Variants in HIBADH observed in about 807,000 individuals in gnomAD.
The protein encoded by HIBADH is 3-hydroxyisobutyrate dehydrogenase, mitochondrial.
Under a neutral mutation model 36.1 loss-of-function variants are expected in HIBADH, and 25 were observed. The ratio of observed to expected loss-of-function variants is 0.69; its 90% confidence interval spans 0.50 to 0.97. The LOEUF (loss-of-function observed/expected upper bound fraction) is 0.97, where lower values mean the gene tolerates loss of function less well. HIBADH is among the 50% of genes least tolerant of loss of function. The pLI is 0.00. For synonymous variants in HIBADH, 160 were observed against 149.5 expected, an observed-to-expected ratio of 1.07 and a Z score of -0.51; for missense variants, 421 against 418.0, an observed-to-expected ratio of 1.01 and a Z score of -0.06.
At chr7:27,631,559 T>C (rs1022162370) in intron 3 of HIBADH, among the ~76,000 whole-genome samples, 10 of 152,166 alleles carry the variant, frequency 6.6e-5, no homozygotes, top group Non-Finnish European at 1.5e-4. Flanking sequence ...ATGACAAAAC[T>C]AAGCTGGGAA....
rs1786145464 is a variant in HIBADH at position 27,649,772 on chromosome 7, C to A, written c.92-139G>T. 6.0e-6 allele frequency: 4 copies of A among 662,072 alleles called. No homozygotes were observed. In the African/African-American group the frequency reaches 7.4e-5, roughly 12 times the overall value. 41.0% of individuals were successfully genotyped at this position (662,072 alleles called of 1,614,324 possible). A position where few individuals can be genotyped will look rare whatever the true frequency, so the allele number is the denominator to read the frequency against. On this transcript the variant is annotated intron_variant, in intron 1 of 7. Coordinates refer to ENST00000265395, the MANE Select transcript of HIBADH (RefSeq NM_152740.4). ...CAGGAACCAGGTGCAGTGGTGCACA[C>A]CTATAATCCCAGCTACTTGGGAGGC...
intron 6 of HIBADH, among the ~76,000 whole-genome samples, chr7:27,532,610 GA>G (rs1562611893): frequency 6.6e-6 from 1 of 152,202 alleles, no homozygotes; most frequent in East Asian, 1.9e-4. Context: ...GTGGTTCCCA[GA>G]CTGCTATGTG....
intron 1 of HIBADH, among the ~76,000 whole-genome samples, chr7:27,653,380 G>A (rs560320347): frequency 1.1e-4 from 16 of 152,176 alleles, no homozygotes; most frequent in Admixed American, 2.0e-4. Flanking sequence ...AGCTGGCTCA[G>A]TTTTACCCAG....
chr7:27,525,735 C>G lies in HIBADH; in HGVS notation c.*479G>C, dbSNP rs942784755. On this transcript the variant is annotated 3_prime_UTR_variant, in exon 8 of 8. Transcript: ENST00000265395. The stretch of plus-strand genomic sequence containing the variant: ...GCTCCCTGGAAAATAAACCAGTAAC[C>G]CTGGTAGTGCAGTAACCATTTGGTT... 7.2e-5 allele frequency: 11 copies of G among 152,306 alleles called. No individual in the cohort carries two copies. Among genetic ancestry groups the G allele is most frequent in the South Asian group, 4.1e-4 (2 of 4,820 alleles). 9.4% of individuals were successfully genotyped at this position (152,306 alleles called of 1,614,324 possible).
At chr7:27,651,823 T>A (rs1318768520) in intron 1 of HIBADH, among the ~76,000 whole-genome samples, 1 of 152,074 alleles carries the variant, frequency 6.6e-6, no homozygotes, top group Non-Finnish European at 1.5e-5. Flanking sequence ...ACATAAACAC[T>A]AACATAAGAC....
chr7:27,643,082 A>C (rs973738776), intron 2 of HIBADH, among the ~76,000 whole-genome samples: 5 of 152,208 alleles, frequency 3.3e-5, no homozygotes, highest in African/African-American at 1.2e-4. Context: ...ATATTTGTGT[A>C]ATTTGATAAT....
At chr7:27,563,183 C>T (rs1450533182) in intron 4 of HIBADH, among the ~76,000 whole-genome samples, 6 of 152,204 alleles carry the variant, frequency 3.9e-5, no homozygotes, top group Non-Finnish European at 7.3e-5. Context: ...TTCACACTGA[C>T]TTCTTTCACT....
intron 4 of HIBADH, among the ~76,000 whole-genome samples, chr7:27,620,140 T>C (rs898127307): frequency 1.3e-5 from 2 of 152,072 alleles, no homozygotes; most frequent in Non-Finnish European, 2.9e-5. Flanking sequence ...GGCAATATAC[T>C]GAGATTCCAT....
rs1324182552 is a variant in HIBADH at position 27,550,988 on chromosome 7, C to T, written c.485-7888G>A. On this transcript the variant is annotated intron_variant, in intron 4 of 7. Coordinates refer to ENST00000265395, the MANE Select transcript of HIBADH (RefSeq NM_152740.4). ...AGATTTTTAAGTAACTTCACCACAC[C>T]ACACCAAACACACACATACACATAC... Among the ~76,000 whole-genome samples the T allele has an allele frequency of 3.3e-5, 5 of 150,078 alleles. No homozygotes were observed. In the South Asian group the frequency reaches 1.0e-3, roughly 31 times the overall value.
chr7:27,589,164 A>G (rs947371932), intron 4 of HIBADH, among the ~76,000 whole-genome samples: 4 of 152,214 alleles, frequency 2.6e-5, no homozygotes, highest in African/African-American at 9.6e-5. Context: ...TGGTTTTATC[A>G]GCATGTTATA....
At chr7:27,650,957 G>C (rs1786180712) in intron 1 of HIBADH, among the ~76,000 whole-genome samples, 1 of 152,122 alleles carries the variant, frequency 6.6e-6, no homozygotes, top group Non-Finnish European at 1.5e-5. Context: ...ACAGACACAA[G>C]CAACGTATGG....
intron 4 of HIBADH, among the ~76,000 whole-genome samples, chr7:27,571,022 T>G (rs1400384618): frequency 6.6e-6 from 1 of 152,088 alleles, no homozygotes; most frequent in Non-Finnish European, 1.5e-5. Flanking sequence ...TCTATTCATG[T>G]CTCAACTTTT....
At chr7:27,649,295 G>A (rs191162979) in intron 2 of HIBADH, 178 bp downstream of exon 2, 344 of 479,656 alleles carry the variant, frequency 7.2e-4, no homozygotes, top group East Asian at 3.0e-3. Flanking sequence ...AATGTCTAAC[G>A]AGAACTCTCC....
intron 4 of HIBADH, among the ~76,000 whole-genome samples, chr7:27,601,187 T>A (rs955007361): frequency 4.6e-5 from 7 of 152,072 alleles, no homozygotes; most frequent in African/African-American, 1.7e-4. Flanking sequence ...TTTCACTGAG[T>A]TCTCTTCAAG....
intron 1 of HIBADH, among the ~76,000 whole-genome samples, chr7:27,658,787 A>C (rs550256876): frequency 3.3e-5 from 5 of 152,150 alleles, no homozygotes; most frequent in Admixed American, 6.5e-5. Flanking sequence ...CACATAATAC[A>C]TTTTTTATAT....
At chr7:27,643,368 G>A (rs1583616256) in intron 2 of HIBADH, among the ~76,000 whole-genome samples, 1 of 152,218 alleles carries the variant, frequency 6.6e-6, no homozygotes, top group East Asian at 1.9e-4. Flanking sequence ...GTGTACAGCA[G>A]AGGTGAAACT....
intron 4 of HIBADH, among the ~76,000 whole-genome samples, chr7:27,548,317 C>T (rs1251745675): frequency 6.6e-6 from 1 of 151,902 alleles, no homozygotes; most frequent in East Asian, 1.9e-4. Context: ...CTTCAGTGGT[C>T]CTCAACCCTG....
intron 4 of HIBADH, among the ~76,000 whole-genome samples, chr7:27,626,635 CT>C (rs1239802251): frequency 1.3e-5 from 2 of 152,142 alleles, no homozygotes; most frequent in African/African-American, 4.8e-5. Flanking sequence ...GGGGGAAACG[CT>C]TGACTGAAGA....
chr7:27,635,708 G>A (rs967724884), intron 2 of HIBADH, among the ~76,000 whole-genome samples: 2 of 152,314 alleles, frequency 1.3e-5, no homozygotes, highest in Admixed American at 1.3e-4. Flanking sequence ...CACCGTGCAG[G>A]TTTTCAACAC....
Sources: allele counts gnomAD v4.1 joint callset (sites outside exome capture counted in the v4.1 genomes callset), GRCh38; gene constraint gnomAD v4.1.1; transcripts MANE v1.5; gene names NCBI Gene and HGNC (gene_info 2026-07-23, HGNC 2026-07-21).